XRN2: variants seen among roughly 807,000 people sequenced by gnomAD.
XRN2 encodes DHM1-like protein.
XRN2 carries 44 observed loss-of-function variants against 138.5 expected under a neutral mutation model. The observed-to-expected ratio is 0.32, with a 90% CI of 0.25 to 0.41. XRN2 has a LOEUF of 0.41. Ranked by LOEUF, XRN2 falls within the 10% of genes least tolerant of loss-of-function variation. The pLI is 1.00. For synonymous variants in XRN2, 354 were observed against 369.4 expected, an observed-to-expected ratio of 0.96 and a Z score of 0.48; for missense variants, 937 against 1,169.3, an observed-to-expected ratio of 0.80 and a Z score of 2.90.
intron 24 of XRN2, among the ~76,000 whole-genome samples, chr20:21,360,835 CT>C: frequency 6.6e-6 from 1 of 152,278 alleles, no homozygotes; most frequent in East Asian, 1.9e-4. Flanking sequence ...GAGGGTTTCA[CT>C]TTCGATGCTT....
intron 13 of XRN2, among the ~76,000 whole-genome samples, chr20:21,337,605 A>AT (rs1384080599): frequency 6.6e-6 from 1 of 152,124 alleles, no homozygotes; most frequent in Non-Finnish European, 1.5e-5. Context: ...GAGAGATCCA[A>AT]GTACTGGGCC....
intron 27 of XRN2, among the ~76,000 whole-genome samples, chr20:21,374,153 A>G (rs1235459454): frequency 1.3e-5 from 2 of 152,222 alleles, no homozygotes; most frequent in African/African-American, 4.8e-5. Flanking sequence ...ATGTAGAAAT[A>G]AAGTTGATTT....
intron 27 of XRN2, among the ~76,000 whole-genome samples, chr20:21,376,604 A>G (rs1432768059): frequency 6.6e-6 from 1 of 152,098 alleles, no homozygotes; most frequent in Non-Finnish European, 1.5e-5. Flanking sequence ...GGTTAAGGAG[A>G]GATGATGAGG....
chr20:21,329,645 ATG>A (rs1432933656), intron 4 of XRN2, among the ~76,000 whole-genome samples: 6 of 152,180 alleles, frequency 3.9e-5, no homozygotes, highest in African/African-American at 1.4e-4. Flanking sequence ...GATTTTAAGA[ATG>A]TCTTTTTTTT....
chr20:21,332,196 C>G, intron 8 of XRN2, 87 bp from the exon 9 acceptor site: 1 of 1,485,964 alleles, frequency 6.7e-7, no homozygotes, highest in African/African-American at 1.4e-5. Context: ...TTGGGCTTTT[C>G]TTTGTGTTGG....
chr20:21,330,776 C>A, intron 6 of XRN2, 71 bp downstream of exon 6: 2 of 1,374,642 alleles, frequency 1.5e-6, no homozygotes, highest in Non-Finnish European at 1.0e-6. Flanking sequence ...ATATGACTGA[C>A]ATTATTTATC....
Position 21,382,077 on chromosome 20 carries a change from T to C in XRN2, c.2648+20T>C. 6.3e-7 allele frequency: 1 copy of C among 1,595,926 alleles called. No individual in the cohort carries two copies. Among genetic ancestry groups the C allele is most frequent in the Non-Finnish European group, 8.6e-7 (1 of 1,169,316 alleles). ...TGACAGGTAATATTAAAAGTAGACA[T>C]GACTTTTAAATACTTTCTGACACCA... is the stretch of plus-strand genomic sequence containing the variant. On this transcript the variant is annotated intron_variant, in intron 28 of 29. Coordinates refer to ENST00000377191, the MANE Select transcript of XRN2 (RefSeq NM_012255.5).
chr20:21,331,439 C>CACACA, intron 6 of XRN2, 122 bp from the exon 7 acceptor site: 2 of 574,094 alleles, frequency 3.5e-6, no homozygotes, highest in Non-Finnish European at 3.1e-6. Context: ...ACACACACAC[C>CACACA]CTTATTCAGA....
In XRN2 at chr20:21,349,590, A is replaced by G. The variant is rs1343701429; in HGVS notation, c.1936+129A>G. 1.1e-5 allele frequency: 9 copies of G among 799,262 alleles called. No individual in the cohort carries two copies. In the South Asian group the frequency reaches 1.1e-4, roughly 10 times the overall value. 49.5% of individuals were successfully genotyped at this position (799,262 alleles called of 1,614,324 possible). ...AAATCTCATTTCTACAAAAAATACA[A>G]AAATTAGCCTGGCGTGGTGGCTTGC... On this transcript the variant is annotated intron_variant, in intron 20 of 29. Transcript: ENST00000377191.
rs565614480 is a variant in XRN2, at chr20:21,306,751, T to G, written c.75+3278T>G. Among the ~76,000 whole-genome samples, 25 of 75,834 alleles carry G rather than the reference T, an allele frequency of 3.3e-4. 6 individuals carry two copies. The highest frequency in any genetic ancestry group is 9.0e-4 in the African/African-American group (25 of 27,774). 49.8% of individuals were successfully genotyped at this position (75,834 alleles called of 152,430 possible). On this transcript the variant is annotated intron_variant, in intron 1 of 29. Transcript: ENST00000377191. ...TTGGCCGGGTGCGGTGGCTCACGAC[T>G]GTAATCCCAGCACTTTGGGAGGCTG... is the stretch of plus-strand genomic sequence containing the variant.
chr20:21,320,067 G>A (rs2038016545), intron 1 of XRN2, among the ~76,000 whole-genome samples: 1 of 151,982 alleles, frequency 6.6e-6, no homozygotes, highest in Admixed American at 6.6e-5. Context: ...GAAGAACTTC[G>A]TTTAGTAGTT....
intron 14 of XRN2, 29 bp downstream of exon 14, chr20:21,339,117 G>A: frequency 1.3e-6 from 2 of 1,584,806 alleles, no homozygotes; most frequent in Non-Finnish European, 1.7e-6. Flanking sequence ...CATGAGATTG[G>A]CAATAGCGTA....
At chr20:21,336,625 G>A (rs891964563) in intron 13 of XRN2, among the ~76,000 whole-genome samples, 1 of 152,200 alleles carries the variant, frequency 6.6e-6, no homozygotes, top group Non-Finnish European at 1.5e-5. Flanking sequence ...CTGAGTGCTA[G>A]TGATACAGCA....
chr20:21,333,008 A>G (rs1600687060), intron 9 of XRN2, among the ~76,000 whole-genome samples: 1 of 152,308 alleles, frequency 6.6e-6, no homozygotes, highest in East Asian at 1.9e-4. Flanking sequence ...CTTGAGTCAT[A>G]TGCTTTTTGA....
intron 16 of XRN2, among the ~76,000 whole-genome samples, chr20:21,345,841 CA>C (rs2038429464): frequency 6.6e-6 from 1 of 152,102 alleles, no homozygotes; most frequent in Admixed American, 6.5e-5. Context: ...AAGCCATCAA[CA>C]ACTCTTAGCT....
At chr20:21,371,992 G>A (rs1003301416) in intron 27 of XRN2, among the ~76,000 whole-genome samples, 7 of 152,204 alleles carry the variant, frequency 4.6e-5, no homozygotes, top group Non-Finnish European at 1.0e-4. Context: ...TGTTGTGGCT[G>A]TTATTAGATT....
intron 1 of XRN2, among the ~76,000 whole-genome samples, chr20:21,320,541 G>A (rs1293931842): frequency 1.3e-5 from 2 of 151,112 alleles, no homozygotes; most frequent in African/African-American, 4.9e-5. Context: ...CATCGTGATC[G>A]GCCTGACTTG....
intron 20 of XRN2, among the ~76,000 whole-genome samples, chr20:21,350,542 A>AG (rs2038495903): frequency 6.7e-6 from 1 of 150,070 alleles, no homozygotes; most frequent in Non-Finnish European, 1.5e-5. Flanking sequence ...AAAAAAAAAA[A>AG]AAAAAAAAAA....
chr20:21,374,077 T>C (rs1244454503), intron 27 of XRN2, among the ~76,000 whole-genome samples: 1 of 152,226 alleles, frequency 6.6e-6, no homozygotes. Context: ...TAATACTATA[T>C]AATTGATGTG....
Sources: gnomAD v4.1 joint callset for allele counts (sites outside exome capture counted in the v4.1 genomes callset) on GRCh38, gnomAD v4.1.1 for gene constraint, MANE v1.5 for transcripts, NCBI Gene and HGNC (gene_info 2026-07-23, HGNC 2026-07-21) for gene names.